Variants in NFATC1 observed in about 807,000 individuals in gnomAD.
The protein encoded by NFATC1 is nuclear factor of activated T-cells, cytoplasmic 1.
NFATC1 carries 22 observed loss-of-function variants against 76.0 expected under a neutral mutation model. That is an observed-to-expected ratio of 0.29 (90% confidence interval 0.21 to 0.41). The LOEUF (loss-of-function observed/expected upper bound fraction) is 0.41. Ranked by LOEUF, NFATC1 falls within the 10% of genes least tolerant of loss-of-function variation. NFATC1 has a pLI of 1.00. For synonymous variants in NFATC1, 704 were observed against 613.1 expected (o/e 1.15, Z -2.19); for missense variants, 1,357 against 1,337.7 (o/e 1.01, Z -0.23).
intron 3 of NFATC1, among the ~76,000 whole-genome samples, chr18:79,442,506 G>A (rs779287384): frequency 5.9e-5 from 9 of 152,370 alleles, no homozygotes; most frequent in Middle Eastern, 3.4e-3. Context: ...CAAAGTCGGC[G>A]GAAGGGGCTA....
chr18:79,494,664 G>A (rs535334057), intron 9 of NFATC1, among the ~76,000 whole-genome samples: 91 of 88,558 alleles, frequency 1.0e-3, no homozygotes, highest in African/African-American at 4.0e-3. Context: ...ACCTGGTACC[G>A]CCGGGGGAAG....
Position 79,413,633 on chromosome 18 carries a change from G to A in NFATC1, c.1226+2132G>A, listed in dbSNP as rs148870172. ...GCAGGACTCCATTATGTGAGTTTGC[G>A]GGGAGCACCGTTCGGCTGCCTCAGC... On this transcript the variant is annotated intron_variant, in intron 2 of 9. Transcript: ENST00000427363. Among the ~76,000 whole-genome samples the A allele has an allele frequency of 3.3e-3, 500 of 152,310 alleles. 5 individuals are homozygous for A. Among genetic ancestry groups the A allele is most frequent in the Middle Eastern group, 0.02 (6 of 294 alleles).
chr18:79,520,279 C>T (rs928803643), intron 9 of NFATC1, among the ~76,000 whole-genome samples: 4 of 151,652 alleles, frequency 2.6e-5, no homozygotes, highest in East Asian at 2.0e-4. Flanking sequence ...GGCGTTGCTG[C>T]CTCTGCAGAT....
intron 1 of NFATC1, among the ~76,000 whole-genome samples, chr18:79,401,465 C>T (rs1416213606): frequency 6.6e-6 from 1 of 152,234 alleles, no homozygotes; most frequent in Non-Finnish European, 1.5e-5. Context: ...CCTGCCTGGG[C>T]CTGGGTTCTA....
At chr18:79,495,384 G>T (rs1260811605) in intron 9 of NFATC1, among the ~76,000 whole-genome samples, 2 of 152,248 alleles carry the variant, frequency 1.3e-5, no homozygotes, top group Admixed American at 1.3e-4. Flanking sequence ...TGAAATATCA[G>T]TCTACAGTCC....
In NFATC1 at chr18:79,486,745, T is replaced by TGCAGCCCA; in HGVS notation, c.2593_2600dup (p.Cys868AlafsTer47). 1 of 1,602,030 alleles carries TGCAGCCCA rather than the reference T, an allele frequency of 6.2e-7. No individual in the cohort carries two copies. The highest frequency in any genetic ancestry group is 8.5e-7 in the Non-Finnish European group (1 of 1,175,932). On this transcript the variant is annotated frameshift_variant, in exon 9 of 10. Coordinates refer to ENST00000427363, the MANE Select transcript of NFATC1 (RefSeq NM_001278669.2). LOFTEE classifies it high-confidence loss of function. ...CCAAGAGCCGACCTGCCTGCAGCCCTGCAGCCCAGCGTGCCCGCCCGCCAC... is the reference window on the plus strand; with the variant it reads ...CCAAGAGCCGACCTGCCTGCAGCCCTGCAGCCCAGCAGCCCAGCGTGCCCGCCCGCCAC...
intron 9 of NFATC1, among the ~76,000 whole-genome samples, chr18:79,513,095 T>C (rs2090297655): frequency 6.6e-6 from 1 of 152,228 alleles, no homozygotes; most frequent in South Asian, 2.1e-4. Flanking sequence ...CGCTCGGCTC[T>C]CAATAAAAAG....
intron 2 of NFATC1, among the ~76,000 whole-genome samples, chr18:79,415,256 A>T (rs1303399746): frequency 6.6e-6 from 1 of 152,160 alleles, no homozygotes; most frequent in Non-Finnish European, 1.5e-5. Context: ...TAACAGCACA[A>T]TTCTTGAATT....
At chr18:79,427,393 T>TG (rs2086383705) in intron 2 of NFATC1, among the ~76,000 whole-genome samples, 2 of 69,666 alleles carry the variant, frequency 2.9e-5, no homozygotes, top group South Asian at 5.5e-4. Flanking sequence ...TGCAGTGGGT[T>TG]GGGGGGAGCT....
At chr18:79,435,063 C>T (rs1306464498) in intron 3 of NFATC1, among the ~76,000 whole-genome samples, 2 of 152,102 alleles carry the variant, frequency 1.3e-5, no homozygotes, top group African/African-American at 2.4e-5. Context: ...ATCCCTGCCT[C>T]GGTTTTTACT....
At chr18:79,399,725 G>A (rs1343921840) in intron 1 of NFATC1, among the ~76,000 whole-genome samples, 1 of 151,950 alleles carries the variant, frequency 6.6e-6, no homozygotes, top group Non-Finnish European at 1.5e-5. Context: ...GGAGGCTGGG[G>A]ACTCGCAGGA....
chr18:79,445,130 C>T (rs372650160), intron 3 of NFATC1, among the ~76,000 whole-genome samples: 51 of 152,328 alleles, frequency 3.3e-4, no homozygotes, highest in African/African-American at 1.1e-3. Context: ...ACTTTTGTTT[C>T]GATTTTTCCT....
chr18:79,398,713 G>T (rs2085083344), intron 1 of NFATC1, among the ~76,000 whole-genome samples: 1 of 152,244 alleles, frequency 6.6e-6, no homozygotes, highest in South Asian at 2.1e-4. Context: ...CTAAACAGAT[G>T]ATAAGGGCTG....
chr18:79,433,465 G>C, intron 2 of NFATC1, 114 bp from the exon 3 acceptor site: 1 of 1,240,176 alleles, frequency 8.1e-7, no homozygotes, highest in Non-Finnish European at 1.2e-6. Context: ...ATGTCAGGAC[G>C]TGCACTCGCC....
chr18:79,398,800 GGCT>G (rs1250804481), intron 1 of NFATC1, among the ~76,000 whole-genome samples: 1 of 152,278 alleles, frequency 6.6e-6, no homozygotes, highest in Non-Finnish European at 1.5e-5. Context: ...CGGGCGCCGC[GGCT>G]CACGCCTGTA....
rs1011949111 is a variant in NFATC1, at chr18:79,503,260, A to AG, written c.2782+16325dup. Among the ~76,000 whole-genome samples the AG allele has an allele frequency of 4.6e-4, 70 of 152,216 alleles. 1 individual carries two copies. Among genetic ancestry groups the AG allele is most frequent in the African/African-American group, 1.6e-3 (67 of 41,454 alleles). The stretch of plus-strand genomic sequence containing the variant: ...TGCATGCACACCTCAGAGACGTCGC[A>AG]GGTTCAGCCTCAGACCACTGGGATA... On this transcript the variant is annotated intron_variant, in intron 9 of 9. Transcript: ENST00000427363.
At chr18:79,492,188 C>T (rs931984861) in intron 9 of NFATC1, among the ~76,000 whole-genome samples, 1 of 152,176 alleles carries the variant, frequency 6.6e-6, no homozygotes, top group East Asian at 1.9e-4. Context: ...GGGCAGTTCA[C>T]GCTGGAGCCT....
intron 2 of NFATC1, among the ~76,000 whole-genome samples, chr18:79,420,529 A>G (rs1411817999): frequency 8.5e-6 from 1 of 117,920 alleles, no homozygotes; most frequent in African/African-American, 3.4e-5. Flanking sequence ...AGGCGAGGTC[A>G]CTGCAAAGAG....
chr18:79,411,090 G>A lies in NFATC1; in HGVS notation c.815G>A (p.Gly272Asp). The A allele has an allele frequency of 6.2e-7, 1 of 1,612,022 alleles. No individual in the cohort carries two copies. The highest frequency in any genetic ancestry group is 8.5e-7 in the Non-Finnish European group (1 of 1,179,542). ...PCNKRKYSLN[G>D]RQPPYSPHHS... The stretch of plus-strand genomic sequence containing the variant: ...AACAAGAGGAAGTACAGCCTCAACG[G>A]CCGGCAGCCGCCCTACTCACCCCAC... The change falls in exon 2 of 10, where the codon GGC (glycine) becomes GAC (aspartate). Residue 272 changes from glycine to aspartate, a missense_variant. Gly to Asp is a moderately conservative substitution (Grantham distance 94). Around this residue, in one of 3 missense-constraint regions of NFATC1, gnomAD observed 691 missense variants for 613.1 expected, o/e 1.13. Coordinates refer to ENST00000427363, the MANE Select transcript of NFATC1 (RefSeq NM_001278669.2).
Sources: allele counts gnomAD v4.1 joint callset (sites outside exome capture counted in the v4.1 genomes callset), GRCh38; gene constraint gnomAD v4.1.1; regional missense constraint gnomAD v4.1.1; transcripts MANE v1.5; gene names NCBI Gene and HGNC (gene_info 2026-07-23, HGNC 2026-07-21).